Variants in DLG2 observed in about 807,000 individuals in gnomAD.
DLG2 encodes discs large MAGUK scaffold protein 2.
In DLG2, 45 loss-of-function variants were observed where a neutral mutation model predicts 132.5. The observed-to-expected ratio is 0.34, with a 90% CI of 0.27 to 0.44. DLG2 has a LOEUF of 0.44. Among genes scored for constraint, DLG2 ranks in the 20% least tolerant of loss-of-function variants. DLG2 has a pLI of 1.00. For synonymous variants in DLG2, 424 were observed against 419.6 expected (o/e 1.01, Z -0.13); for missense variants, 1,045 against 1,196.9 (o/e 0.87, Z 1.87).
At chr11:85,285,094 T>C (rs1209852596) in intron 4 of DLG2, 126 bp downstream of exon 4, 1 of 802,860 alleles carries the variant, frequency 1.2e-6, no homozygotes, top group Non-Finnish European at 1.9e-6. Context: ...GCATACAGTA[T>C]GGTATAACTA....
intron 7 of DLG2, among the ~76,000 whole-genome samples, chr11:84,352,792 T>C (rs1449266084): frequency 6.6e-6 from 1 of 152,184 alleles, no homozygotes; most frequent in African/African-American, 2.4e-5. Flanking sequence ...TGGAACTTTA[T>C]GAAAGAGAAA....
chr11:85,226,188 TATA>T (rs1229093594), intron 4 of DLG2, among the ~76,000 whole-genome samples: 6 of 150,820 alleles, frequency 4.0e-5, no homozygotes, highest in African/African-American at 1.2e-4. Flanking sequence ...CATATTCTAA[TATA>T]ATAATATAAT....
chr11:84,832,529 A>G (rs2079174553), intron 6 of DLG2, among the ~76,000 whole-genome samples: 1 of 151,668 alleles, frequency 6.6e-6, no homozygotes, highest in Non-Finnish European at 1.5e-5. Flanking sequence ...GAAGGTGCCC[A>G]TGATTTCAGC....
At position 84,991,998 on chromosome 11, in the gene DLG2, A is replaced by G. The variant is rs968557183; in HGVS notation, c.357+119663T>C. Among the ~76,000 whole-genome samples, 6 of 152,204 alleles carry G rather than the reference A, an allele frequency of 3.9e-5. No individual in the cohort carries two copies. The South Asian group carries it at 6.2e-4, about 16-fold the overall frequency. ...CTTTCCCTTATTCTTTTGTATTCCA[A>G]TCATGAAGGCATCTAAGTTTTAAAT... On this transcript the variant is annotated intron_variant, in intron 6 of 27. Transcript: ENST00000376104.
intron 6 of DLG2, among the ~76,000 whole-genome samples, chr11:84,653,906 A>G (rs2099685076): frequency 6.6e-6 from 1 of 152,008 alleles, no homozygotes; most frequent in African/African-American, 2.4e-5. Context: ...CATCTCCATC[A>G]CTCCAGAATT....
intron 6 of DLG2, among the ~76,000 whole-genome samples, chr11:84,943,613 C>T (rs1430287717): frequency 6.6e-6 from 1 of 152,082 alleles, no homozygotes; most frequent in Non-Finnish European, 1.5e-5. Context: ...AAAAAGAAAA[C>T]TAATGAAAAC....
chr11:84,799,241 A>G (rs1183401305), intron 6 of DLG2, among the ~76,000 whole-genome samples: 3 of 152,068 alleles, frequency 2.0e-5, no homozygotes, highest in African/African-American at 7.2e-5. Context: ...CAAATTCTAA[A>G]TGCTGGGAAG....
intron 7 of DLG2, among the ~76,000 whole-genome samples, chr11:84,396,302 G>C (rs2098810799): frequency 6.6e-6 from 1 of 152,064 alleles, no homozygotes. Flanking sequence ...TAGTTTTATA[G>C]TTAATTTTCA....
chr11:84,370,961 T>A (rs1012699694), intron 7 of DLG2, among the ~76,000 whole-genome samples: 1 of 152,114 alleles, frequency 6.6e-6, no homozygotes, highest in Non-Finnish European at 1.5e-5. Context: ...GTTGGAGAAA[T>A]GTGCCCACCA....
chr11:85,169,309 C>T lies in DLG2; in HGVS notation c.187-14658G>A, dbSNP rs185730248. ...ACTGTGTCTATAATATGCTATCTTCCGTGTAAGTGTAGGGGCAAAGGAAAT... is the reference window on the plus strand; with the variant it reads ...ACTGTGTCTATAATATGCTATCTTCTGTGTAAGTGTAGGGGCAAAGGAAAT... On this transcript the variant is annotated intron_variant, in intron 4 of 27. Transcript: ENST00000376104. Among the ~76,000 whole-genome samples the T allele has an allele frequency of 5.1e-4, 78 of 152,086 alleles. 2 individuals carry two copies. The highest frequency in any genetic ancestry group is 1.6e-3 in the African/African-American group (67 of 41,482).
At chr11:83,803,144 G>T (rs1341847206) in intron 17 of DLG2, among the ~76,000 whole-genome samples, 1 of 151,982 alleles carries the variant, frequency 6.6e-6, no homozygotes, top group Non-Finnish European at 1.5e-5. Flanking sequence ...TTCAAACATT[G>T]CATTAATCCA....
chr11:84,197,998 T>C (rs773390430), intron 8 of DLG2, among the ~76,000 whole-genome samples: 2 of 152,204 alleles, frequency 1.3e-5, no homozygotes, highest in Non-Finnish European at 2.9e-5. Flanking sequence ...ATATGTAATA[T>C]TAAGATACTT....
rs1054198451 is a variant in DLG2, at chr11:85,063,966, C to T, written c.357+47695G>A. ...CTCAGTTGCCACTATTCCTTTCCTTCAGGATCCCATAATTTAGTTGAGAAA... is the reference window on the plus strand; with the variant it reads ...CTCAGTTGCCACTATTCCTTTCCTTTAGGATCCCATAATTTAGTTGAGAAA... On this transcript the variant is annotated intron_variant, in intron 6 of 27. Coordinates refer to ENST00000376104, the MANE Select transcript of DLG2 (RefSeq NM_001142699.3). Among the ~76,000 whole-genome samples the T allele has an allele frequency of 5.3e-5, 8 of 151,708 alleles. 1 individual carries two copies. Among genetic ancestry groups the T allele is most frequent in the Non-Finnish European group, 1.0e-4 (7 of 67,840 alleles).
intron 7 of DLG2, among the ~76,000 whole-genome samples, chr11:84,317,534 C>G (rs952164890): frequency 3.3e-5 from 5 of 152,122 alleles, no homozygotes; most frequent in African/African-American, 1.2e-4. Context: ...TTTCCCTTTC[C>G]TTGCCGATCC....
intron 4 of DLG2, among the ~76,000 whole-genome samples, chr11:85,271,774 T>C (rs1276240784): frequency 6.6e-6 from 1 of 152,226 alleles, no homozygotes; most frequent in Non-Finnish European, 1.5e-5. Flanking sequence ...TTTCTCCCAT[T>C]TGGAACAAGT....
chr11:84,022,096 G>A (rs1346846501), intron 11 of DLG2, among the ~76,000 whole-genome samples: 1 of 152,098 alleles, frequency 6.6e-6, no homozygotes, highest in Non-Finnish European at 1.5e-5. Context: ...AACCTTCAAT[G>A]CAGGCACCAT....
intron 15 of DLG2, among the ~76,000 whole-genome samples, chr11:83,926,789 A>G (rs2079054597): frequency 6.6e-6 from 1 of 152,132 alleles, no homozygotes; most frequent in Non-Finnish European, 1.5e-5. Context: ...AACACAGAGA[A>G]CAGCACACAG....
intron 6 of DLG2, among the ~76,000 whole-genome samples, chr11:84,741,054 C>T (rs936112775): frequency 4.5e-5 from 6 of 132,774 alleles, no homozygotes; most frequent in Non-Finnish European, 7.9e-5. Context: ...TGTGCCTATG[C>T]TCTTTTTTTT....
At chr11:84,934,503 T>G (rs2048454503) in intron 6 of DLG2, among the ~76,000 whole-genome samples, 2 of 80,114 alleles carry the variant, frequency 2.5e-5, no homozygotes, top group Admixed American at 1.2e-4. Context: ...TGGTCCTGGG[T>G]GTTTTTTTTT....
Sources: gnomAD v4.1 joint callset for allele counts (sites outside exome capture counted in the v4.1 genomes callset) on GRCh38, gnomAD v4.1.1 for gene constraint, MANE v1.5 for transcripts, NCBI Gene and HGNC (gene_info 2026-07-23, HGNC 2026-07-21) for gene names.